CCDC171: variants seen among roughly 807,000 people sequenced by gnomAD.
CCDC171 encodes the protein coiled-coil domain-containing protein 171.
CCDC171 carries 177 observed loss-of-function variants against 168.2 expected under a neutral mutation model. That is an observed-to-expected ratio of 1.05 (90% CI 0.93 to 1.19). The LOEUF (loss-of-function observed/expected upper bound fraction) is 1.19. Ranked by LOEUF, CCDC171 falls within the 50% of genes most tolerant of loss-of-function variation. The pLI is 0.00. For synonymous variants in CCDC171, 687 were observed against 540.8 expected (o/e 1.27, Z -3.75); for missense variants, 1,991 against 1,539.0 (o/e 1.29, Z -4.91).
chr9:16,050,008 T>A (rs1481623236), intron 1 of CCDC171, among the ~76,000 whole-genome samples: 6 of 152,226 alleles, frequency 3.9e-5, no homozygotes, highest in African/African-American at 1.4e-4. Flanking sequence ...CACCTTAGCC[T>A]CCCAAGTAGC....
At chr9:15,996,712 C>A (rs143604028) in intron 3 of CCDC171, among the ~76,000 whole-genome samples, 127 of 152,032 alleles carry the variant, frequency 8.4e-4, no homozygotes, top group Non-Finnish European at 1.2e-3. Flanking sequence ...GAAGGATATA[C>A]AAGTATTATT....
intron 24 of CCDC171, among the ~76,000 whole-genome samples, chr9:15,900,723 G>T (rs1468229883): frequency 6.6e-6 from 1 of 152,182 alleles, no homozygotes; most frequent in Non-Finnish European, 1.5e-5. Context: ...GGGTGTGAGG[G>T]AAAGAAGTAG....
chr9:15,849,068 G>A, intron 23 of CCDC171, 121 bp downstream of exon 23: 1 of 533,498 alleles, frequency 1.9e-6, no homozygotes, highest in East Asian at 3.4e-5. Flanking sequence ...ACAAAAAGAT[G>A]CTTTGTAGAT....
intron 3 of CCDC171, among the ~76,000 whole-genome samples, chr9:16,014,380 GA>G (rs1832956343): frequency 6.6e-6 from 1 of 152,132 alleles, no homozygotes; most frequent in African/African-American, 2.4e-5. Flanking sequence ...TTCCTCAGTT[GA>G]AGTCTTGAAC....
At chr9:16,098,379 C>T in the CCDC171 span, among the ~76,000 whole-genome samples, 1 of 152,300 alleles carries the variant, frequency 6.6e-6, no homozygotes, top group Admixed American at 6.5e-5. Context: ...TCATCAAGGA[C>T]TTCATAGCCT....
intron 17 of CCDC171, among the ~76,000 whole-genome samples, chr9:15,745,309 G>C (rs1326983944): frequency 6.6e-6 from 1 of 151,988 alleles, no homozygotes; most frequent in Non-Finnish European, 1.5e-5. Context: ...AAGAAAATTT[G>C]TTTTTTTCTG....
At chr9:15,818,979 A>T (rs1412962907) in intron 21 of CCDC171, among the ~76,000 whole-genome samples, 1 of 117,510 alleles carries the variant, frequency 8.5e-6, no homozygotes, top group East Asian at 2.1e-4. Context: ...AGCCCATCAG[A>T]CTAACAGCGG....
At chr9:15,715,357 T>C (rs1398284272) in intron 11 of CCDC171, among the ~76,000 whole-genome samples, 1 of 152,208 alleles carries the variant, frequency 6.6e-6, no homozygotes, top group Non-Finnish European at 1.5e-5. Context: ...AACTTAGTGA[T>C]TAAGACAATA....
intron 21 of CCDC171, among the ~76,000 whole-genome samples, chr9:15,796,170 G>C (rs2058546565): frequency 6.6e-6 from 1 of 151,964 alleles, no homozygotes. Flanking sequence ...ATGAATAGAA[G>C]TTGTAAGTTA....
chr9:15,845,014 G>A (rs887911872), intron 21 of CCDC171, among the ~76,000 whole-genome samples: 1 of 152,016 alleles, frequency 6.6e-6, no homozygotes, highest in African/African-American at 2.4e-5. Flanking sequence ...GTTTTTGTTG[G>A]AAGAACTCAA....
intron 21 of CCDC171, among the ~76,000 whole-genome samples, chr9:15,802,558 C>T (rs972957996): frequency 6.6e-6 from 1 of 152,062 alleles, no homozygotes; most frequent in Non-Finnish European, 1.5e-5. Flanking sequence ...GTCTCCAGCT[C>T]CATCTATGTC....
rs1194637991 is a variant in CCDC171 at position 15,817,053 on chromosome 9, A to C, written c.3268-29649A>C. On this transcript the variant is annotated intron_variant, in intron 21 of 25. Coordinates refer to ENST00000380701, the MANE Select transcript of CCDC171 (RefSeq NM_173550.4). The stretch of plus-strand genomic sequence containing the variant: ...CCTTAAGGCTGTGGATGTTTTTCTC[A>C]GTTCTGGTGTTTTTCTGAGAGGATG... 3.4e-5 allele frequency among the ~76,000 whole-genome samples: 4 copies of C among 117,974 alleles called. 2 individuals are homozygous for C. Among genetic ancestry groups the C allele is most frequent in the Non-Finnish European group, 7.6e-5 (4 of 52,462 alleles). 77.4% of individuals were successfully genotyped at this position (117,974 alleles called of 152,430 possible).
chr9:16,092,359 G>A, the CCDC171 span, among the ~76,000 whole-genome samples: 821 of 152,288 alleles, frequency 5.4e-3, 10 homozygotes, highest in African/African-American at 0.018. Context: ...CCAAAGGTGT[G>A]GGTGGCCCCC....
At chr9:15,607,202 G>A (rs150092788) in intron 6 of CCDC171, among the ~76,000 whole-genome samples, 1 of 152,052 alleles carries the variant, frequency 6.6e-6, no homozygotes, top group South Asian at 2.1e-4. Flanking sequence ...TGTAACAAAT[G>A]CTACCTAGAT....
chr9:15,924,991 C>A (rs148059920), intron 25 of CCDC171, among the ~76,000 whole-genome samples: 2 of 151,630 alleles, frequency 1.3e-5, no homozygotes, highest in East Asian at 3.9e-4. Context: ...ATTATTAATT[C>A]TTTTCTTTAT....
intron 3 of CCDC171, among the ~76,000 whole-genome samples, chr9:15,985,995 A>G (rs1348310292): frequency 2.0e-5 from 3 of 152,218 alleles, no homozygotes; most frequent in Admixed American, 6.5e-5. Flanking sequence ...TACTTGGTTG[A>G]AAGGCACAAC....
intron 6 of CCDC171, among the ~76,000 whole-genome samples, chr9:16,024,991 C>G (rs1186110294): frequency 6.6e-6 from 1 of 152,180 alleles, no homozygotes; most frequent in Non-Finnish European, 1.5e-5. Context: ...CAAGACAGTC[C>G]TTTCATACCT....
chr9:15,964,756 TTTAA>T (rs778020146), intron 25 of CCDC171, among the ~76,000 whole-genome samples: 38 of 152,206 alleles, frequency 2.5e-4, no homozygotes, highest in Non-Finnish European at 4.0e-4. Context: ...TCTCGTGTAA[TTTAA>T]TTAATTAATT....
At chr9:15,632,206 A>G (rs895691905) in intron 7 of CCDC171, among the ~76,000 whole-genome samples, 4 of 144,660 alleles carry the variant, frequency 2.8e-5, no homozygotes, top group African/African-American at 4.9e-5. Flanking sequence ...AAGGGTATTC[A>G]GTTAGGAAAA....
Sources: gnomAD v4.1 joint callset for allele counts (sites outside exome capture counted in the v4.1 genomes callset) on GRCh38, gnomAD v4.1.1 for gene constraint, MANE v1.5 for transcripts, NCBI Gene and HGNC (gene_info 2026-07-23, HGNC 2026-07-21) for gene names.